Variants in EZH2 observed in about 807,000 individuals in gnomAD.
EZH2 encodes enhancer of zeste 2 polycomb repressive complex 2 subunit.
A neutral mutation model predicts 98.4 loss-of-function variants in EZH2; 18 were observed. That is an observed-to-expected ratio of 0.18 (90% confidence interval 0.13 to 0.27). The LOEUF is 0.27. EZH2 is among the 10% of genes least tolerant of loss of function. The probability of loss-of-function intolerance (pLI) is 1.00; values close to 1 mark genes in which losing one functional copy is unlikely to be tolerated. For missense variants in EZH2, 470 were observed against 935.1 expected, an observed-to-expected ratio of 0.50 and a Z score of 6.49; for synonymous variants, 338 against 312.3, an observed-to-expected ratio of 1.08 and a Z score of -0.87.
chr7:148,839,846 CA>C (rs753094982), intron 3 of EZH2, among the ~76,000 whole-genome samples: 3 of 152,068 alleles, frequency 2.0e-5, no homozygotes, highest in Non-Finnish European at 4.4e-5. Flanking sequence ...TGCACCCAGC[CA>C]AAACTAGTAT....
chr7:148,816,673 GAC>G lies in EZH2; in HGVS notation c.1505+9_1505+10del. 6.2e-7 allele frequency: 1 copy of G among 1,607,960 alleles called. No individual in the cohort carries two copies. Among genetic ancestry groups the G allele is most frequent in the Non-Finnish European group, 8.5e-7 (1 of 1,174,552 alleles). On this transcript the variant is annotated intron_variant, in intron 12 of 19. Transcript: ENST00000320356. Reference sequence around the variant, plus strand: ...TGTTGACTTCTCTAAGGAGCTTCATGACAGACTCACCGGTGTTTCCTCTTCTT... The same window carrying G: ...TGTTGACTTCTCTAAGGAGCTTCATGAGACTCACCGGTGTTTCCTCTTCTT...
At chr7:148,846,722 G>A (rs1814148274) in intron 2 of EZH2, 124 bp from the exon 3 acceptor site, 1 of 829,030 alleles carries the variant, frequency 1.2e-6, no homozygotes, top group Non-Finnish European at 1.8e-6. Flanking sequence ...TTTCTTAGGT[G>A]CATATAGATT....
intron 2 of EZH2, among the ~76,000 whole-genome samples, chr7:148,846,859 TGTGTGTG>T (rs1814238419): frequency 6.7e-6 from 1 of 149,982 alleles, no homozygotes; most frequent in Non-Finnish European, 1.5e-5. Context: ...TGTGTGTGTG[TGTGTGTG>T]TGTGTGTGTG....
At chr7:148,849,791 A>C (rs1431236305) in intron 1 of EZH2, among the ~76,000 whole-genome samples, 1 of 152,210 alleles carries the variant, frequency 6.6e-6, no homozygotes, top group Non-Finnish European at 1.5e-5. Flanking sequence ...AACTCAACTA[A>C]TTCTATGCAA....
intron 3 of EZH2, among the ~76,000 whole-genome samples, chr7:148,838,017 A>G (rs1429800466): frequency 6.7e-6 from 1 of 148,944 alleles, no homozygotes; most frequent in African/African-American, 2.5e-5. Flanking sequence ...ATAACACAGC[A>G]TTTAACATAG....
chr7:148,841,693 C>T (rs533483399), intron 3 of EZH2, among the ~76,000 whole-genome samples: 1 of 152,122 alleles, frequency 6.6e-6, no homozygotes, highest in Non-Finnish European at 1.5e-5. Flanking sequence ...ATGAAATACA[C>T]TAGGATATTA....
intron 19 of EZH2, 113 bp from the exon 20 acceptor site, chr7:148,807,819 A>T (rs1207391070): frequency 1.2e-5 from 6 of 520,776 alleles, no homozygotes; most frequent in Middle Eastern, 3.5e-4. Flanking sequence ...GTCTTTAAAA[A>T]AAAAAAAAAA....
intron 8 of EZH2, among the ~76,000 whole-genome samples, chr7:148,823,633 T>C (rs566830792): frequency 6.6e-6 from 1 of 151,990 alleles, no homozygotes; most frequent in East Asian, 1.9e-4. Flanking sequence ...TGGGAGACTT[T>C]ATTGTACACA....
chr7:148,850,340 A>G (rs559579531), intron 1 of EZH2: 2 of 263,004 alleles, frequency 7.6e-6, no homozygotes, highest in South Asian at 2.9e-4. Context: ...TTTAAGATAC[A>G]TATTTTATGT....
chr7:148,875,172 C>T (rs1820008164), intron 1 of EZH2, among the ~76,000 whole-genome samples: 1 of 152,068 alleles, frequency 6.6e-6, no homozygotes, highest in African/African-American at 2.4e-5. Flanking sequence ...TGAATAATAT[C>T]CTTTTAGTTT....
intron 12 of EZH2, 60 bp from the exon 13 acceptor site, chr7:148,815,606 G>T: frequency 6.9e-7 from 1 of 1,445,822 alleles, no homozygotes; most frequent in South Asian, 1.1e-5. Flanking sequence ...ATCCAACAGA[G>T]AGCTGCTTAA....
chr7:148,857,331 C>A (rs956071584), intron 1 of EZH2, among the ~76,000 whole-genome samples: 1 of 152,136 alleles, frequency 6.6e-6, no homozygotes, highest in Non-Finnish European at 1.5e-5. Context: ...AACCAACCAA[C>A]CAAAGAAAGA....
chr7:148,866,545 CATATATATACATATATACAT>C (rs1440492808), intron 1 of EZH2, among the ~76,000 whole-genome samples: 7 of 97,784 alleles, frequency 7.2e-5, no homozygotes, highest in African/African-American at 3.1e-4. Context: ...TACGTATATA[CATATATATACATATATACAT>C]ATATATACGT....
At chr7:148,878,576 T>C (rs1036571709) in intron 1 of EZH2, among the ~76,000 whole-genome samples, 1 of 152,238 alleles carries the variant, frequency 6.6e-6, no homozygotes, top group Non-Finnish European at 1.5e-5. Context: ...AATTCGCCTG[T>C]TGGCAGACAC....
intron 1 of EZH2, among the ~76,000 whole-genome samples, chr7:148,861,322 G>A (rs1283592410): frequency 4.0e-5 from 6 of 151,546 alleles, no homozygotes. Context: ...CGCCTCCAGG[G>A]TTCAAGCGAT....
At chr7:148,878,408 G>A (rs1413608612) in intron 1 of EZH2, among the ~76,000 whole-genome samples, 1 of 152,086 alleles carries the variant, frequency 6.6e-6, no homozygotes, top group African/African-American at 2.4e-5. Flanking sequence ...ATTTCACTAA[G>A]CATAATATTC....
chr7:148,866,570 A>T (rs1221666858), intron 1 of EZH2, among the ~76,000 whole-genome samples: 1 of 143,844 alleles, frequency 7.0e-6, no homozygotes, highest in African/African-American at 2.7e-5. Flanking sequence ...ATACATATAT[A>T]TACGTATATA....
chr7:148,869,339 T>G (rs1038713141), intron 1 of EZH2, among the ~76,000 whole-genome samples: 2 of 14,838 alleles, frequency 1.3e-4, no homozygotes, highest in Non-Finnish European at 2.3e-4. Context: ...AGCAATAGCC[T>G]TTTTTTTTTT....
intron 8 of EZH2, among the ~76,000 whole-genome samples, chr7:148,825,255 A>G (rs1435134170): frequency 6.6e-6 from 1 of 152,206 alleles, no homozygotes; most frequent in East Asian, 1.9e-4. Context: ...ATTCAAGACA[A>G]CTATTTCAAG....
Sources: allele counts gnomAD v4.1 joint callset (sites outside exome capture counted in the v4.1 genomes callset), GRCh38; gene constraint gnomAD v4.1.1; transcripts MANE v1.5; gene names NCBI Gene and HGNC (gene_info 2026-07-23, HGNC 2026-07-21).